The following CTNND2 variants were observed in gnomAD, a reference collection of about 807,000 sequenced individuals.
CTNND2 encodes catenin delta-2.
Under a neutral mutation model 144.4 loss-of-function variants are expected in CTNND2, and 22 were observed. The observed-to-expected ratio is 0.15, with a 90% CI of 0.11 to 0.22. The LOEUF (loss-of-function observed/expected upper bound fraction) is 0.22, where lower values mean the gene tolerates loss of function less well. Among genes scored for constraint, CTNND2 ranks in the 10% least tolerant of loss-of-function variants. CTNND2 has a pLI of 1.00. For missense variants in CTNND2, 1,353 were observed against 1,618.8 expected (o/e 0.84, Z 2.82); for synonymous variants, 751 against 695.6 (o/e 1.08, Z -1.25).
intron 1 of CTNND2, among the ~76,000 whole-genome samples, chr5:11,829,604 C>T (rs1033978586): frequency 6.6e-6 from 1 of 152,230 alleles, no homozygotes; most frequent in Non-Finnish European, 1.5e-5. Context: ...GAACCTCCAA[C>T]TAGACTTCAG....
intron 18 of CTNND2, among the ~76,000 whole-genome samples, chr5:11,005,382 G>T (rs1285087974): frequency 1.3e-5 from 2 of 152,210 alleles, no homozygotes; most frequent in Admixed American, 6.5e-5. Context: ...GGCCAGGTCA[G>T]ATCGGGATTT....
chr5:11,604,737 C>T (rs1219040805), intron 2 of CTNND2, among the ~76,000 whole-genome samples: 1 of 152,122 alleles, frequency 6.6e-6, no homozygotes, highest in Non-Finnish European at 1.5e-5. Flanking sequence ...CCCAAGATCT[C>T]AAAAAATATT....
At chr5:11,703,844 G>A (rs899842815) in intron 2 of CTNND2, among the ~76,000 whole-genome samples, 2 of 152,140 alleles carry the variant, frequency 1.3e-5, no homozygotes, top group Admixed American at 6.5e-5. Flanking sequence ...TCAGACCCCC[G>A]TATCTCTGAT....
At chr5:11,662,642 G>T (rs1188714890) in intron 2 of CTNND2, among the ~76,000 whole-genome samples, 1 of 151,716 alleles carries the variant, frequency 6.6e-6, no homozygotes. Context: ...ACTCACTCAG[G>T]ATCAATACCT....
At chr5:11,065,748 G>A (rs1360549020) in intron 16 of CTNND2, among the ~76,000 whole-genome samples, 1 of 152,102 alleles carries the variant, frequency 6.6e-6, no homozygotes, top group African/African-American at 2.4e-5. Flanking sequence ...TTTGACTCTG[G>A]CATAACATTA....
At chr5:11,744,351 G>T (rs1418174902) in intron 1 of CTNND2, among the ~76,000 whole-genome samples, 6 of 152,312 alleles carry the variant, frequency 3.9e-5, no homozygotes, top group Admixed American at 2.6e-4. Context: ...AAGCAAGGAA[G>T]ATGCGCGACG....
At chr5:11,030,706 C>G (rs544413091) in intron 16 of CTNND2, among the ~76,000 whole-genome samples, 1 of 138,456 alleles carries the variant, frequency 7.2e-6, no homozygotes, top group Admixed American at 7.2e-5. Flanking sequence ...GTTTTAAAGT[C>G]TTTGTCTAGT....
intron 20 of CTNND2, chr5:10,986,660 G>A (rs9312749): frequency 0.35 from 159,841 of 455,846 alleles, 29,242 homozygotes; most frequent in African/African-American, 0.48. Context: ...TAATGAGTTA[G>A]GTTCTCCCGT....
chr5:11,151,209 C>A (rs899854220), intron 12 of CTNND2, among the ~76,000 whole-genome samples: 1 of 152,166 alleles, frequency 6.6e-6, no homozygotes, highest in Non-Finnish European at 1.5e-5. Flanking sequence ...AGGCTGGGTA[C>A]GTAAGCAGTA....
intron 3 of CTNND2, among the ~76,000 whole-genome samples, chr5:11,563,192 G>A (rs1453985077): frequency 6.6e-6 from 1 of 152,214 alleles, no homozygotes; most frequent in Non-Finnish European, 1.5e-5. Context: ...AGGGGCTGGA[G>A]TTGCATGAAA....
At position 11,125,625 on chromosome 5, in the gene CTNND2, C is replaced by T. The variant is rs147653771; in HGVS notation, c.2160-8058G>A. On this transcript the variant is annotated intron_variant, in intron 12 of 21. Transcript: ENST00000304623. ...GCCCAGAGGGGAGAAACATGCCAGGCGGGTTACCAGCACCCCACAGGAAAA... is the reference window on the plus strand; with the variant it reads ...GCCCAGAGGGGAGAAACATGCCAGGTGGGTTACCAGCACCCCACAGGAAAA... Among the ~76,000 whole-genome samples, 59 of 152,288 alleles carry T rather than the reference C, an allele frequency of 3.9e-4. 1 individual carries two copies. The highest frequency in any genetic ancestry group is 1.3e-3 in the African/African-American group (56 of 41,558).
intron 16 of CTNND2, among the ~76,000 whole-genome samples, chr5:11,060,304 A>G (rs1746821132): frequency 6.6e-6 from 1 of 152,084 alleles, no homozygotes. Context: ...CCCTAAAACA[A>G]TTTCCTCCAC....
rs1371136828 is a variant in CTNND2 at position 11,749,058 on chromosome 5, C to T, written c.38-16786G>A. ...GGTCCACGTAAGGAAAAACTAAAGC[C>T]TCCTACCAACAACTGGCAAAGGACT... On this transcript the variant is annotated intron_variant, in intron 1 of 21. Transcript: ENST00000304623. Among the ~76,000 whole-genome samples, 4 of 151,964 alleles carry T rather than the reference C, an allele frequency of 2.6e-5. No individual in the cohort carries two copies. The East Asian group carries it at 7.7e-4, about 29-fold the overall frequency.
At chr5:11,312,205 ACACT>A (rs1313926588) in intron 9 of CTNND2, among the ~76,000 whole-genome samples, 1 of 123,944 alleles carries the variant, frequency 8.1e-6, no homozygotes, top group Non-Finnish European at 1.7e-5. Context: ...CCCCACATAC[ACACT>A]CACACACTCC....
chr5:11,189,013 G>A (rs1484280537), intron 11 of CTNND2, among the ~76,000 whole-genome samples: 2 of 151,992 alleles, frequency 1.3e-5, no homozygotes, highest in Non-Finnish European at 2.9e-5. Context: ...TGTCTGTCTT[G>A]TCCACTACGA....
intron 7 of CTNND2, among the ~76,000 whole-genome samples, chr5:11,378,891 C>T (rs1457026040): frequency 1.3e-5 from 2 of 152,192 alleles, no homozygotes; most frequent in East Asian, 1.9e-4. Context: ...GCACGATCCA[C>T]TCTAAATACT....
At position 10,971,896 on chromosome 5, in the gene CTNND2, A is replaced by G. The variant is rs1411021737; in HGVS notation, c.*1557T>C. The G allele has an allele frequency of 6.6e-6, 1 of 152,626 alleles. No homozygotes were observed. Among genetic ancestry groups the G allele is most frequent in the Non-Finnish European group, 1.5e-5 (1 of 68,036 alleles). 9.5% of individuals were successfully genotyped at this position (152,626 alleles called of 1,614,324 possible). ...AACAGTTAACATTTACTAGGCACCT[A>G]TTGGCCTCAGCCACTTGCATCTAAA... On this transcript the variant is annotated 3_prime_UTR_variant, in exon 22 of 22. Coordinates refer to ENST00000304623, the MANE Select transcript of CTNND2 (RefSeq NM_001332.4).
At chr5:11,281,031 A>C (rs773902348) in intron 9 of CTNND2, among the ~76,000 whole-genome samples, 1 of 152,248 alleles carries the variant, frequency 6.6e-6, no homozygotes, top group Non-Finnish European at 1.5e-5. Context: ...ACCTTCTTTG[A>C]ATCAGCATGT....
rs200759060 is a variant in CTNND2 at position 11,199,676 on chromosome 5, G to A, written c.1762-15C>T. The A allele has an allele frequency of 1.4e-4, 231 of 1,607,706 alleles. 3 individuals are homozygous for A. The East Asian group carries it at 3.1e-3, about 22-fold the overall frequency. On this transcript the variant is annotated splice_polypyrimidine_tract_variant and intron_variant, in intron 10 of 21. Coordinates refer to ENST00000304623, the MANE Select transcript of CTNND2 (RefSeq NM_001332.4). ...TGTCTCCTTATCTGAAAGAGCAAAG[G>A]ACACCACTTTTGCTTTACAGTGTAA...
Sources: gnomAD v4.1 joint callset for allele counts (sites outside exome capture counted in the v4.1 genomes callset) on GRCh38, gnomAD v4.1.1 for gene constraint, MANE v1.5 for transcripts, NCBI Gene and HGNC (gene_info 2026-07-23, HGNC 2026-07-21) for gene names.